Variants in SPTSSA observed in about 807,000 individuals in gnomAD.
SPTSSA encodes the protein small subunit of serine palmitoyltransferase A.
A neutral mutation model predicts 9.1 loss-of-function variants in SPTSSA; 8 were observed. That is an observed-to-expected ratio of 0.88 (90% confidence interval 0.51 to 1.58). SPTSSA has a LOEUF of 1.58. Ranked by LOEUF, SPTSSA falls within the 40% of genes most tolerant of loss-of-function variation. The pLI, the probability that SPTSSA is intolerant of heterozygous loss-of-function variation, is 0.00. For synonymous variants in SPTSSA, 42 were observed against 37.7 expected (o/e 1.11, Z -0.41); for missense variants, 100 against 93.8 (o/e 1.07, Z -0.27).
intron 1 of SPTSSA, among the ~76,000 whole-genome samples, chr14:34,443,008 G>A (rs1883346888): frequency 6.8e-6 from 1 of 146,698 alleles, no homozygotes; most frequent in South Asian, 2.2e-4. Flanking sequence ...CTCTAGGGGT[G>A]TGTGTGTGTT....
chr14:34,451,304 A>C (rs1489957663), intron 1 of SPTSSA, among the ~76,000 whole-genome samples: 3 of 152,158 alleles, frequency 2.0e-5, no homozygotes, highest in Non-Finnish European at 4.4e-5. Flanking sequence ...TAGTCTAAAT[A>C]ATTTCAATTA....
Position 34,433,406 on chromosome 14 carries a change from G to A in SPTSSA, c.*1795C>T, listed in dbSNP as rs1336870046. 1 of 152,054 alleles carries A rather than the reference G, an allele frequency of 6.6e-6. No individual in the cohort carries two copies. The highest frequency in any genetic ancestry group is 1.5e-5 in the Non-Finnish European group (1 of 68,014). The allele number at this position is 152,054 out of a possible 1,614,324, so 9.4% of individuals were successfully genotyped here. Reference sequence around the variant, plus strand: ...GTGGTTCTCTATGGGGGATAGTAGAGGAAAGCCAAATTTGGGCATTAATAG... The same window carrying A: ...GTGGTTCTCTATGGGGGATAGTAGAAGAAAGCCAAATTTGGGCATTAATAG... On this transcript the variant is annotated 3_prime_UTR_variant, in exon 2 of 2. Transcript: ENST00000298130.
chr14:34,445,361 C>A (rs767033343), intron 1 of SPTSSA, among the ~76,000 whole-genome samples: 2 of 151,916 alleles, frequency 1.3e-5, no homozygotes, highest in Non-Finnish European at 2.9e-5. Flanking sequence ...ACTAGCCGAG[C>A]GTGGTGGCAT....
intron 1 of SPTSSA, among the ~76,000 whole-genome samples, chr14:34,454,944 G>A (rs544687163): frequency 6.8e-4 from 104 of 152,090 alleles, no homozygotes; most frequent in Non-Finnish European, 1.1e-3. Context: ...AAAATCAGCC[G>A]GGTGTGGTGG....
intron 1 of SPTSSA, among the ~76,000 whole-genome samples, chr14:34,460,816 CA>C (rs1433271714): frequency 2.0e-5 from 3 of 152,144 alleles, no homozygotes; most frequent in African/African-American, 7.2e-5. Flanking sequence ...ATAAATGGTG[CA>C]GGAAATCAAA....
At chr14:34,438,147 C>T (rs1221293296) in intron 1 of SPTSSA, among the ~76,000 whole-genome samples, 1 of 152,078 alleles carries the variant, frequency 6.6e-6, no homozygotes, top group Non-Finnish European at 1.5e-5. Context: ...AATTTTGTTA[C>T]TTGCGGCTGA....
At chr14:34,458,852 G>GC (rs1358920413) in intron 1 of SPTSSA, among the ~76,000 whole-genome samples, 3 of 151,038 alleles carry the variant, frequency 2.0e-5, no homozygotes, top group Non-Finnish European at 1.5e-5. Flanking sequence ...GCTCAAGGAT[G>GC]CCCCTGGAAA....
intron 1 of SPTSSA, among the ~76,000 whole-genome samples, chr14:34,448,348 G>T (rs1305094419): frequency 3.9e-5 from 6 of 152,126 alleles, no homozygotes; most frequent in Non-Finnish European, 5.9e-5. Context: ...AAGGCAGCAT[G>T]AAGTAGTTAC....
At chr14:34,452,057 G>A (rs1192501917) in intron 1 of SPTSSA, among the ~76,000 whole-genome samples, 2 of 151,898 alleles carry the variant, frequency 1.3e-5, no homozygotes, top group South Asian at 2.1e-4. Flanking sequence ...GGGAGGCCGG[G>A]GCGGGCATAT....
intron 1 of SPTSSA, among the ~76,000 whole-genome samples, chr14:34,461,737 C>G (rs1445279054): frequency 1.3e-5 from 2 of 152,190 alleles, no homozygotes; most frequent in African/African-American, 2.4e-5. Flanking sequence ...TTACATGATC[C>G]CCGCCTCCTA....
chr14:34,443,773 G>T (rs977365968), intron 1 of SPTSSA, among the ~76,000 whole-genome samples: 5 of 151,884 alleles, frequency 3.3e-5, no homozygotes, highest in African/African-American at 1.2e-4. Context: ...TGACCTCAGG[G>T]GATCCACCTG....
chr14:34,453,862 G>A (rs1329030769), intron 1 of SPTSSA, among the ~76,000 whole-genome samples: 3 of 150,116 alleles, frequency 2.0e-5, no homozygotes, highest in African/African-American at 7.4e-5. Context: ...TACTAAATTT[G>A]AGCATTTGGG....
intron 1 of SPTSSA, among the ~76,000 whole-genome samples, chr14:34,438,108 A>G (rs1479322148): frequency 1.3e-5 from 2 of 152,042 alleles, no homozygotes; most frequent in Admixed American, 1.3e-4. Flanking sequence ...GAGCTGGCCA[A>G]TCCCCTTTAC....
chr14:34,445,159 CT>C (rs911276522), intron 1 of SPTSSA, among the ~76,000 whole-genome samples: 4 of 151,496 alleles, frequency 2.6e-5, no homozygotes, highest in African/African-American at 7.3e-5. Context: ...GTAGAAAAAA[CT>C]TTTTTTTTCT....
intron 1 of SPTSSA, among the ~76,000 whole-genome samples, chr14:34,441,470 A>T (rs991865250): frequency 4.5e-4 from 68 of 152,208 alleles, no homozygotes; most frequent in African/African-American, 1.6e-3. Context: ...TTCATTTTCA[A>T]TAAAACCCTT....
chr14:34,450,166 C>T (rs116407173), intron 1 of SPTSSA, among the ~76,000 whole-genome samples: 2,667 of 152,306 alleles, frequency 0.018, 75 homozygotes, highest in African/African-American at 0.062. Context: ...ATGTAATCCT[C>T]ATTAAAACTG....
At chr14:34,461,477 T>G (rs17523212) in intron 1 of SPTSSA, among the ~76,000 whole-genome samples, 18,775 of 152,250 alleles carry the variant, frequency 0.12, 1,285 homozygotes, top group Middle Eastern at 0.22. Flanking sequence ...ATTGCACCAC[T>G]TTTCGGGCCG....
Position 34,444,748 on chromosome 14 carries a change from C to G in SPTSSA, c.113-9444G>C, listed in dbSNP as rs867830289. On this transcript the variant is annotated intron_variant, in intron 1 of 1. Coordinates refer to ENST00000298130, the MANE Select transcript of SPTSSA (RefSeq NM_138288.4). ...GCCTGGGCCACAGGGCAAGACTCTG[C>G]CTCAAAAAAAAAAAAAATTGCTAAG... 2.2e-5 allele frequency among the ~76,000 whole-genome samples: 3 copies of G among 136,292 alleles called. No individual in the cohort carries two copies. The East Asian group carries it at 6.3e-4, about 29-fold the overall frequency. 89.4% of individuals were successfully genotyped at this position (136,292 alleles called of 152,430 possible).
chr14:34,433,169 G>A lies in SPTSSA; in HGVS notation c.*2032C>T, dbSNP rs1883184656. On this transcript the variant is annotated 3_prime_UTR_variant, in exon 2 of 2. Transcript: ENST00000298130. Reference sequence around the variant, plus strand: ...TGACTCTCCTCAAGATTTCCTGTAAGACCAAACTTTATCTTCCATATGTCT... The same window carrying A: ...TGACTCTCCTCAAGATTTCCTGTAAAACCAAACTTTATCTTCCATATGTCT... 6.6e-6 allele frequency: 1 copy of A among 152,088 alleles called. No homozygotes were observed. The highest frequency in any genetic ancestry group is 2.1e-4 in the South Asian group (1 of 4,822). The allele number at this position is 152,088 out of a possible 1,614,324, so 9.4% of individuals were successfully genotyped here. A position where few individuals can be genotyped will look rare whatever the true frequency, so the allele number is the denominator to read the frequency against.
Sources: gnomAD v4.1 joint callset for allele counts (sites outside exome capture counted in the v4.1 genomes callset) on GRCh38, gnomAD v4.1.1 for gene constraint, MANE v1.5 for transcripts, NCBI Gene and HGNC (gene_info 2026-07-23, HGNC 2026-07-21) for gene names.